The following HTR4 variants were observed in gnomAD, a reference collection of about 807,000 sequenced individuals.
The protein encoded by HTR4 is 5-hydroxytryptamine (serotonin) receptor 4, G protein-coupled.
A neutral mutation model predicts 36.8 loss-of-function variants in HTR4; 16 were observed. The observed-to-expected ratio is 0.43, with a 90% confidence interval of 0.29 to 0.66. The LOEUF (loss-of-function observed/expected upper bound fraction) is 0.66. Ranked by LOEUF, HTR4 falls within the 30% of genes least tolerant of loss-of-function variation. HTR4 has a pLI of 0.13. For missense variants in HTR4, 438 were observed against 490.9 expected (o/e 0.89, Z 1.02); for synonymous variants, 189 against 185.1 (o/e 1.02, Z -0.17).
chr5:148,607,455 T>C (rs931260849), intron 2 of HTR4, among the ~76,000 whole-genome samples: 2 of 152,164 alleles, frequency 1.3e-5, no homozygotes, highest in South Asian at 4.1e-4. Context: ...GGAAATAAAA[T>C]TAGTCATTTT....
intron 2 of HTR4, among the ~76,000 whole-genome samples, chr5:148,562,373 G>C (rs1282599955): frequency 1.3e-5 from 2 of 152,170 alleles, no homozygotes; most frequent in East Asian, 3.8e-4. Flanking sequence ...CCTAAAAGGA[G>C]CCTATTTACT....
chr5:148,487,826 T>G (rs1242232904), intron 6 of HTR4, among the ~76,000 whole-genome samples: 1 of 151,966 alleles, frequency 6.6e-6, no homozygotes, highest in African/African-American at 2.4e-5. Flanking sequence ...GGGCCAGAGA[T>G]AGAAGTCCCT....
chr5:148,631,118 T>G (rs149425184), intron 2 of HTR4, among the ~76,000 whole-genome samples: 1 of 152,294 alleles, frequency 6.6e-6, no homozygotes, highest in East Asian at 1.9e-4. Flanking sequence ...TAGTTTGTGA[T>G]GCCTCTAGCT....
intron 2 of HTR4, among the ~76,000 whole-genome samples, chr5:148,567,887 T>A (rs1760512482): frequency 6.6e-6 from 1 of 152,182 alleles, no homozygotes; most frequent in Non-Finnish European, 1.5e-5. Context: ...TTCTAGTGTC[T>A]ATTAACTGTC....
intron 2 of HTR4, among the ~76,000 whole-genome samples, chr5:148,564,833 C>T (rs1020511248): frequency 6.6e-6 from 1 of 152,014 alleles, no homozygotes; most frequent in African/African-American, 2.4e-5. Context: ...TAAATTTGGC[C>T]CGATGTGGTG....
intron 2 of HTR4, among the ~76,000 whole-genome samples, chr5:148,636,756 G>A (rs998296229): frequency 2.0e-5 from 3 of 152,030 alleles, no homozygotes; most frequent in South Asian, 2.1e-4. Context: ...TCTCCATAAT[G>A]CAGACTTTTA....
intron 2 of HTR4, among the ~76,000 whole-genome samples, chr5:148,576,413 A>G (rs1297005118): frequency 1.3e-5 from 2 of 152,040 alleles, no homozygotes; most frequent in African/African-American, 2.4e-5. Context: ...TACAGATTCA[A>G]TGCTCTTTCT....
intron 2 of HTR4, among the ~76,000 whole-genome samples, chr5:148,565,127 G>C (rs1229117944): frequency 7.0e-6 from 1 of 143,354 alleles, no homozygotes; most frequent in Non-Finnish European, 1.5e-5. Context: ...AAAAAAAAAA[G>C]ATTAATAAAT....
chr5:148,484,124 C>A, intron 6 of HTR4: 1 of 865,274 alleles, frequency 1.2e-6, no homozygotes, highest in South Asian at 1.9e-5. Context: ...CAAACTAGAC[C>A]TTAAGTTTTT....
chr5:148,501,250 A>T (rs1391844592), intron 6 of HTR4, among the ~76,000 whole-genome samples: 3 of 152,238 alleles, frequency 2.0e-5, no homozygotes, highest in Non-Finnish European at 4.4e-5. Context: ...AACAAGATGT[A>T]GAAAAGTACA....
At position 148,541,741 on chromosome 5, in the gene HTR4, G is replaced by A. The variant is rs76876420; in HGVS notation, c.353+6927C>T. Among the ~76,000 whole-genome samples the A allele has an allele frequency of 6.4e-3, 971 of 152,278 alleles. 10 individuals are homozygous for A. The highest frequency in any genetic ancestry group is 0.021 in the African/African-American group (884 of 41,558). On this transcript the variant is annotated intron_variant, in intron 4 of 6. Transcript: ENST00000377888. ...GGAAAATCAGACTGAGAACACATTG[G>A]AAAAGCAGTGAAAGCTGAGCTAAGA...
At chr5:148,637,611 T>C (rs1753590973) in intron 1 of HTR4, among the ~76,000 whole-genome samples, 1 of 152,106 alleles carries the variant, frequency 6.6e-6, no homozygotes, top group South Asian at 2.1e-4. Flanking sequence ...AACTCAGGAA[T>C]CCAGGAATCC....
At chr5:148,581,753 T>C (rs752252542) in intron 2 of HTR4, among the ~76,000 whole-genome samples, 2 of 152,150 alleles carry the variant, frequency 1.3e-5, no homozygotes, top group Non-Finnish European at 2.9e-5. Context: ...TGTAATATAT[T>C]CTCAAATCAG....
chr5:148,525,061 A>C (rs761613456), intron 4 of HTR4, among the ~76,000 whole-genome samples: 7 of 152,186 alleles, frequency 4.6e-5, no homozygotes, highest in Non-Finnish European at 8.8e-5. Flanking sequence ...AGAGTGCAAG[A>C]AACAACAAAT....
At chr5:148,517,007 G>T (rs1757789741) in intron 5 of HTR4, among the ~76,000 whole-genome samples, 1 of 152,136 alleles carries the variant, frequency 6.6e-6, no homozygotes, top group South Asian at 2.1e-4. Context: ...TTTTGAGAGT[G>T]TAGCTACTAA....
At chr5:148,508,710 T>C (rs113236274) in intron 6 of HTR4, among the ~76,000 whole-genome samples, 1 of 152,310 alleles carries the variant, frequency 6.6e-6, no homozygotes, top group African/African-American at 2.4e-5. Flanking sequence ...ATGGTATTAC[T>C]GTTGTATATT....
chr5:148,511,619 TTGTGTGTGTGTGTGTG>T (rs529668445), intron 5 of HTR4, among the ~76,000 whole-genome samples: 33 of 139,346 alleles, frequency 2.4e-4, no homozygotes, highest in Admixed American at 8.7e-4. Flanking sequence ...TTGTGGAAGT[TTGTGTGTGTGTGTGTG>T]TGTGTGTGTG....
intron 6 of HTR4, chr5:148,490,680 T>G: frequency 8.4e-7 from 1 of 1,192,410 alleles, no homozygotes; most frequent in Non-Finnish European, 1.1e-6. Context: ...TTTAATTGAC[T>G]GATGGTCATC....
chr5:148,540,919 C>T (rs555237694), intron 4 of HTR4, among the ~76,000 whole-genome samples: 12 of 152,208 alleles, frequency 7.9e-5, no homozygotes, highest in East Asian at 3.9e-4. Flanking sequence ...GGAAGGCCCT[C>T]GCTACAGCCA....
Sources: gnomAD v4.1 joint callset for allele counts (sites outside exome capture counted in the v4.1 genomes callset) on GRCh38, gnomAD v4.1.1 for gene constraint, MANE v1.5 for transcripts, NCBI Gene and HGNC (gene_info 2026-07-23, HGNC 2026-07-21) for gene names.